The following RANBP2 variants were observed in gnomAD, a reference collection of about 807,000 sequenced individuals.
The protein encoded by RANBP2 is E3 SUMO-protein ligase RanBP2.
RANBP2 carries 57 observed loss-of-function variants against 303.6 expected under a neutral mutation model. The ratio of observed to expected loss-of-function variants is 0.19; its 90% CI spans 0.15 to 0.23. The LOEUF (loss-of-function observed/expected upper bound fraction) is 0.23. RANBP2 is among the 10% of genes least tolerant of loss of function. RANBP2 has a pLI of 1.00. For synonymous variants in RANBP2, 1,167 were observed against 1,301.5 expected, an observed-to-expected ratio of 0.90 and a Z score of 2.23; for missense variants, 3,138 against 3,780.8, an observed-to-expected ratio of 0.83 and a Z score of 4.46.
At chr2:109,719,832 T>C in the RANBP2 span, among the ~76,000 whole-genome samples, 1 of 152,244 alleles carries the variant, frequency 6.6e-6, no homozygotes, top group Non-Finnish European at 1.5e-5. Context: ...ATGATTCCTC[T>C]GGGCATCATG....
chr2:109,188,746 G>C, the RANBP2 span, among the ~76,000 whole-genome samples: 2 of 152,128 alleles, frequency 1.3e-5, no homozygotes, highest in Admixed American at 6.5e-5. Context: ...TTGAGACTCT[G>C]AGAGACACCA....
chr2:109,548,775 C>CAAAA, the RANBP2 span, among the ~76,000 whole-genome samples: 39 of 63,590 alleles, frequency 6.1e-4, 3 homozygotes, highest in Non-Finnish European at 8.1e-4. Flanking sequence ...GGCTCCATCT[C>CAAAA]AAAAAAAAAA....
chr2:109,615,393 G>A, the RANBP2 span: 59 of 1,612,928 alleles, frequency 3.7e-5, no homozygotes, highest in Non-Finnish European at 4.7e-5. Context: ...CTTCATTACC[G>A]GCTTCACTTG....
At chr2:109,078,077 AATATATATATATATATAT>A in the RANBP2 span, among the ~76,000 whole-genome samples, 131 of 47,404 alleles carry the variant, frequency 2.8e-3, 4 homozygotes, top group South Asian at 0.017. Context: ...TTGACAGATG[AATATATATATATATATAT>A]ATATATATAT....
At chr2:109,212,603 G>A in the RANBP2 span, among the ~76,000 whole-genome samples, 2 of 152,320 alleles carry the variant, frequency 1.3e-5, no homozygotes, top group African/African-American at 4.8e-5. Flanking sequence ...ACATTTGACA[G>A]ATCTTTTGGG....
chr2:108,884,228 C>T, the RANBP2 span: 1 of 152,344 alleles, frequency 6.6e-6, no homozygotes, highest in Non-Finnish European at 1.5e-5. Context: ...TAGTAAGTCA[C>T]TTCAGTTATC....
At chr2:109,794,630 C>CCCGGCCCG in the RANBP2 span, 1 of 781,296 alleles carries the variant, frequency 1.3e-6, no homozygotes, top group African/African-American at 2.7e-5. Context: ...CGGCGGCGGC[C>CCCGGCCCG]GCCTCGATGG....
At chr2:109,512,117 C>T in the RANBP2 span, among the ~76,000 whole-genome samples, 3 of 152,148 alleles carry the variant, frequency 2.0e-5, no homozygotes, top group African/African-American at 7.2e-5. Context: ...GTCTCAACAT[C>T]CAAACACTTT....
chr2:109,524,527 T>A, the RANBP2 span, among the ~76,000 whole-genome samples: 1 of 147,038 alleles, frequency 6.8e-6, no homozygotes, highest in Non-Finnish European at 1.5e-5. Flanking sequence ...GAGGCCGAGG[T>A]AGGCAGATTA....
the RANBP2 span, among the ~76,000 whole-genome samples, chr2:109,708,972 C>T: frequency 1.4e-5 from 2 of 146,906 alleles, no homozygotes; most frequent in African/African-American, 2.5e-5. Context: ...GCAAGGCTCC[C>T]TCTCAAAAAT....
the RANBP2 span, among the ~76,000 whole-genome samples, chr2:108,839,525 ATGTC>A: frequency 6.6e-6 from 1 of 152,172 alleles, no homozygotes; most frequent in African/African-American, 2.4e-5. Context: ...TGAACATAAA[ATGTC>A]TGTCCACTTA....
chr2:109,146,674 G>C, the RANBP2 span, among the ~76,000 whole-genome samples: 1 of 152,200 alleles, frequency 6.6e-6, no homozygotes. Flanking sequence ...GGTCCCCAAA[G>C]TCAGGCTGGG....
the RANBP2 span, among the ~76,000 whole-genome samples, chr2:109,235,702 G>A: frequency 6.6e-6 from 1 of 152,238 alleles, no homozygotes; most frequent in African/African-American, 2.4e-5. Context: ...AAGATTGAAG[G>A]TGTGCAGTCG....
At chr2:109,522,904 C>T in the RANBP2 span, among the ~76,000 whole-genome samples, 6 of 152,338 alleles carry the variant, frequency 3.9e-5, no homozygotes, top group East Asian at 9.7e-4. Flanking sequence ...CTTCAAAATA[C>T]TCGTGTGTTT....
chr2:108,887,346 A>G, the RANBP2 span, among the ~76,000 whole-genome samples: 1 of 151,960 alleles, frequency 6.6e-6, no homozygotes, highest in Non-Finnish European at 1.5e-5. Flanking sequence ...TTCGTTCAGG[A>G]TGACTTTGAG....
chr2:109,437,019 G>C, the RANBP2 span: 9 of 1,613,720 alleles, frequency 5.6e-6, no homozygotes, highest in Non-Finnish European at 7.6e-6. Context: ...CTGCCACCAG[G>C]CCCGCCCTGC....
the RANBP2 span, among the ~76,000 whole-genome samples, chr2:109,623,647 A>T: frequency 6.6e-6 from 1 of 152,134 alleles, no homozygotes; most frequent in Non-Finnish European, 1.5e-5. Context: ...ATTCTTCCCA[A>T]TGTCTGACCT....
chr2:109,490,898 T>G, the RANBP2 span: 1 of 1,524,092 alleles, frequency 6.6e-7, no homozygotes, highest in Non-Finnish European at 8.8e-7. Context: ...TGTCCATGGC[T>G]GCCATCCGCC....
chr2:108,961,635 G>T, the RANBP2 span, among the ~76,000 whole-genome samples: 1 of 152,310 alleles, frequency 6.6e-6, no homozygotes, highest in Admixed American at 6.5e-5. Flanking sequence ...TTATTGTTAC[G>T]TTTTCTTTTC....
Sources: allele counts gnomAD v4.1 joint callset (sites outside exome capture counted in the v4.1 genomes callset), GRCh38; gene constraint gnomAD v4.1.1; transcripts MANE v1.5; gene names NCBI Gene and HGNC (gene_info 2026-07-23, HGNC 2026-07-21).